Variants in TBX15 observed in about 807,000 individuals in gnomAD.
TBX15 encodes the protein T-box transcription factor 15.
Under a neutral mutation model 53.9 loss-of-function variants are expected in TBX15, and 18 were observed. That is an observed-to-expected ratio of 0.33 (90% CI 0.23 to 0.49). The LOEUF is 0.49. Among genes scored for constraint, TBX15 ranks in the 20% least tolerant of loss-of-function variants. The pLI is 0.98. For synonymous variants in TBX15, 295 were observed against 278.0 expected (o/e 1.06, Z -0.61); for missense variants, 692 against 749.5 (o/e 0.92, Z 0.90).
intron 4 of TBX15, among the ~76,000 whole-genome samples, chr1:118,924,352 G>A (rs1571178328): frequency 6.6e-6 from 1 of 152,142 alleles, no homozygotes; most frequent in African/African-American, 2.4e-5. Context: ...TCTACCACTG[G>A]TTGATTTGTC....
intron 2 of TBX15, 129 bp downstream of exon 2, chr1:118,931,490 G>A (rs1655777621): frequency 1.1e-6 from 1 of 941,462 alleles, no homozygotes. Flanking sequence ...ATGTCCAAAT[G>A]CAGAGAAGTG....
At chr1:118,950,086 C>T (rs1428901015) in intron 1 of TBX15, among the ~76,000 whole-genome samples, 1 of 152,150 alleles carries the variant, frequency 6.6e-6, no homozygotes, top group African/African-American at 2.4e-5. Flanking sequence ...AAATACCTTG[C>T]TTTTAACTTG....
chr1:118,933,671 T>G (rs1655875975), intron 1 of TBX15, among the ~76,000 whole-genome samples: 1 of 152,106 alleles, frequency 6.6e-6, no homozygotes, highest in Non-Finnish European at 1.5e-5. Flanking sequence ...CATTATATCA[T>G]CACACACTCA....
intron 7 of TBX15, among the ~76,000 whole-genome samples, chr1:118,894,718 G>A (rs1654363347): frequency 6.6e-6 from 1 of 152,158 alleles, no homozygotes; most frequent in African/African-American, 2.4e-5. Context: ...CCTTCCCCAT[G>A]GAGAGGGCAC....
chr1:118,902,132 A>G (rs1234562343), intron 6 of TBX15, among the ~76,000 whole-genome samples: 2 of 152,126 alleles, frequency 1.3e-5, no homozygotes, highest in South Asian at 4.1e-4. Flanking sequence ...TACAGAGAAT[A>G]ATATTGGTCT....
At chr1:118,939,438 A>AAAAAAC (rs1322098738) in intron 1 of TBX15, among the ~76,000 whole-genome samples, 1 of 71,124 alleles carries the variant, frequency 1.4e-5, no homozygotes. Flanking sequence ...AAAAAAAAAC[A>AAAAAAC]AAAACAGGAA....
chr1:118,893,326 GAAGA>G (rs1654231369), intron 7 of TBX15, among the ~76,000 whole-genome samples: 1 of 90,460 alleles, frequency 1.1e-5, no homozygotes, highest in Admixed American at 1.1e-4. Flanking sequence ...AAGAAAGAAA[GAAGA>G]AAGAAGGAAG....
At chr1:118,963,032 C>A (rs928397360) in intron 1 of TBX15, among the ~76,000 whole-genome samples, 1 of 152,182 alleles carries the variant, frequency 6.6e-6, no homozygotes, top group African/African-American at 2.4e-5. Flanking sequence ...GAAAGTTTTT[C>A]ATTCAGGCTT....
chr1:118,925,203 C>A (rs988827341), intron 3 of TBX15, among the ~76,000 whole-genome samples: 7 of 152,198 alleles, frequency 4.6e-5, no homozygotes, highest in African/African-American at 1.7e-4. Flanking sequence ...TTACTGCAAC[C>A]TTTCACCTTT....
intron 5 of TBX15, 63 bp from the exon 6 acceptor site, chr1:118,914,242 T>G: frequency 6.9e-7 from 1 of 1,443,018 alleles, no homozygotes; most frequent in Non-Finnish European, 9.7e-7. Flanking sequence ...TTAGTACTCC[T>G]AGAAAATTAC....
chr1:118,884,016 G>C lies in TBX15; in HGVS notation c.*716C>G, dbSNP rs926520149. 4 of 152,888 alleles carry C rather than the reference G, an allele frequency of 2.6e-5. No homozygotes were observed. Among genetic ancestry groups the C allele is most frequent in the African/African-American group, 9.7e-5 (4 of 41,398 alleles). The allele number at this position is 152,888 out of a possible 1,614,324, so 9.5% of individuals were successfully genotyped here. ...TCCCTCTTTCCACGGGCACCACTGG[G>C]AATATCAATGATAGCATACAAGTGA... On this transcript the variant is annotated 3_prime_UTR_variant, in exon 8 of 8. Transcript: ENST00000369429.
rs147993592 is a variant in TBX15, at chr1:118,924,395, G to A, written c.693+251C>T. Among the ~76,000 whole-genome samples, 34 of 152,314 alleles carry A rather than the reference G, an allele frequency of 2.2e-4. No individual in the cohort carries two copies. The East Asian group carries it at 5.4e-3, about 24-fold the overall frequency. On this transcript the variant is annotated intron_variant, in intron 4 of 7. Coordinates refer to ENST00000369429, the MANE Select transcript of TBX15 (RefSeq NM_001330677.2). ...GCTCTCTTGCCTCCTCGACTAGACT[G>A]TAAGCCTCTGGAGCACAAGGACTTT...
chr1:118,895,101 G>A (rs908967739), intron 7 of TBX15, among the ~76,000 whole-genome samples: 3 of 152,022 alleles, frequency 2.0e-5, no homozygotes, highest in South Asian at 2.1e-4. Flanking sequence ...TGACTTGATC[G>A]GTAGCTGATC....
At chr1:118,905,684 G>A (rs2101534222) in intron 6 of TBX15, among the ~76,000 whole-genome samples, 1 of 152,326 alleles carries the variant, frequency 6.6e-6, no homozygotes, top group Admixed American at 6.5e-5. Context: ...AAAAGGGTTT[G>A]CAAAATTTTG....
intron 1 of TBX15, among the ~76,000 whole-genome samples, chr1:118,964,897 T>C (rs1412186299): frequency 6.6e-6 from 1 of 152,198 alleles, no homozygotes; most frequent in African/African-American, 2.4e-5. Flanking sequence ...TTCATATATT[T>C]CCTCTCACCC....
chr1:118,986,052 A>T (rs1159894446), intron 1 of TBX15, among the ~76,000 whole-genome samples: 2 of 152,266 alleles, frequency 1.3e-5, no homozygotes, highest in Non-Finnish European at 2.9e-5. Context: ...TCCCCGGGAC[A>T]GGACGTCTGC....
At chr1:118,914,019 G>T in intron 6 of TBX15, 96 bp downstream of exon 6, 1 of 1,212,494 alleles carries the variant, frequency 8.2e-7, no homozygotes, top group Non-Finnish European at 1.2e-6. Context: ...GAGCATACAG[G>T]TGTTTTCTAA....
chr1:118,933,088 C>T (rs1490815812), intron 1 of TBX15, among the ~76,000 whole-genome samples: 2 of 152,166 alleles, frequency 1.3e-5, no homozygotes, highest in South Asian at 4.1e-4. Context: ...TGCCCAATCA[C>T]GTTGCTGCCA....
At chr1:118,987,568 G>T in intron 1 of TBX15, 23 bp downstream of exon 1, 1 of 1,536,668 alleles carries the variant, frequency 6.5e-7, no homozygotes, top group Non-Finnish European at 8.8e-7. Context: ...CCCGCCTCCC[G>T]CGGTCGGCTG....
Sources: gnomAD v4.1 joint callset for allele counts (sites outside exome capture counted in the v4.1 genomes callset) on GRCh38, gnomAD v4.1.1 for gene constraint, MANE v1.5 for transcripts, NCBI Gene and HGNC (gene_info 2026-07-23, HGNC 2026-07-21) for gene names.